SUPT3H: variants seen among roughly 807,000 people sequenced by gnomAD.
SUPT3H encodes the protein SPT3 homolog, SAGA and STAGA complex component, also known as transcription initiation protein SPT3 homolog.
In SUPT3H, 44 loss-of-function variants were observed where a neutral mutation model predicts 44.3. The observed-to-expected ratio is 0.99, with a 90% CI of 0.78 to 1.28. The LOEUF (loss-of-function observed/expected upper bound fraction) is 1.28, where lower values mean the gene tolerates loss of function less well. Ranked by LOEUF, SUPT3H falls within the 50% of genes most tolerant of loss-of-function variation. The probability of loss-of-function intolerance (pLI) is 0.00; values close to 1 mark genes in which losing one functional copy is unlikely to be tolerated. For missense variants in SUPT3H, 380 were observed against 387.1 expected (o/e 0.98, Z 0.15); for synonymous variants, 124 against 125.6 (o/e 0.99, Z 0.09).
rs1179247163 is a variant in SUPT3H at position 45,251,694 on chromosome 6, A to T, written c.101+113507T>A. On this transcript the variant is annotated intron_variant, in intron 2 of 10. Transcript: ENST00000371459. ...CACCTCTCTGATATCTACAGAACTG[A>T]ATAATTTCTCAAAAAAATTCCAGTG... Among the ~76,000 whole-genome samples, 3 of 152,204 alleles carry T rather than the reference A, an allele frequency of 2.0e-5. No individual in the cohort carries two copies. In the East Asian group the frequency reaches 5.8e-4, roughly 29 times the overall value.
chr6:45,219,789 C>T (rs2153634802), intron 2 of SUPT3H, among the ~76,000 whole-genome samples: 1 of 151,870 alleles, frequency 6.6e-6, no homozygotes, highest in Non-Finnish European at 1.5e-5. Flanking sequence ...GCCTGTAATC[C>T]CAGCACTTTG....
intron 6 of SUPT3H, among the ~76,000 whole-genome samples, chr6:44,965,348 ATAT>A (rs1407682440): frequency 6.6e-6 from 1 of 152,220 alleles, no homozygotes; most frequent in Non-Finnish European, 1.5e-5. Context: ...GGTGATAAAA[ATAT>A]TATCATTTTC....
intron 3 of SUPT3H, among the ~76,000 whole-genome samples, chr6:45,058,715 C>A (rs957192302): frequency 2.0e-5 from 3 of 152,082 alleles, no homozygotes; most frequent in Admixed American, 1.3e-4. Flanking sequence ...CATTATGATT[C>A]ATTATCCCTT....
Position 44,829,567 on chromosome 6 carries a change from T to G in SUPT3H, c.*249A>C, listed in dbSNP as rs536940763. The G allele has an allele frequency of 4.0e-4, 161 of 405,024 alleles. No individual in the cohort carries two copies. The highest frequency in any genetic ancestry group is 3.1e-3 in the Admixed American group (72 of 23,030). 25.1% of individuals were successfully genotyped at this position (405,024 alleles called of 1,614,324 possible). ...ATTAAAATTTCAAAACTGTGTGATC[T>G]GCATTCTTGTCCACCTACAGACTAT... On this transcript the variant is annotated 3_prime_UTR_variant, in exon 11 of 11. Transcript: ENST00000371459.
At position 45,003,763 on chromosome 6, in the gene SUPT3H, T is replaced by C. The variant is rs1221142918; in HGVS notation, c.394A>G (p.Lys132Glu). Residue 132 changes from lysine to glutamate, a missense_variant, in exon 6 of 11, where the codon AAA (lysine) becomes GAA (glutamate). By Grantham distance (56) the Lys-to-Glu change is moderately conservative. Transcript: ENST00000371459. ...AAGTCCTGAGCAATCTTTTGTCTTT[T>C]GTTCGCATTATTGCTGCCACTCAAT... ...DKLSGSNNAN[K>E]RQKIAQDFLN... The C allele has an allele frequency of 1.2e-6, 2 of 1,613,828 alleles. No homozygotes were observed. Among genetic ancestry groups the C allele is most frequent in the Middle Eastern group, 1.7e-4 (1 of 6,058 alleles).
chr6:45,299,989 A>G (rs1219556309), intron 2 of SUPT3H, among the ~76,000 whole-genome samples: 4 of 152,162 alleles, frequency 2.6e-5, no homozygotes, highest in Non-Finnish European at 5.9e-5. Context: ...ACAACAAAAC[A>G]TATCAATGGG....
At chr6:45,297,732 A>G (rs185825520) in intron 2 of SUPT3H, among the ~76,000 whole-genome samples, 166 of 152,240 alleles carry the variant, frequency 1.1e-3, no homozygotes, top group African/African-American at 8.4e-4. Flanking sequence ...CCTTCTCCCC[A>G]TTACTAATGG....
intron 2 of SUPT3H, among the ~76,000 whole-genome samples, chr6:45,193,185 C>T (rs565252592): frequency 2.6e-5 from 4 of 151,962 alleles, no homozygotes; most frequent in Admixed American, 2.0e-4. Flanking sequence ...TTGAAACTCT[C>T]GATTCAGAAT....
chr6:44,892,077 G>A (rs1275439650), intron 10 of SUPT3H, among the ~76,000 whole-genome samples: 1 of 152,096 alleles, frequency 6.6e-6, no homozygotes, highest in Admixed American at 6.6e-5. Flanking sequence ...GGAAGATAGT[G>A]AGTACAAACC....
intron 9 of SUPT3H, among the ~76,000 whole-genome samples, chr6:44,941,035 A>C (rs1263634953): frequency 2.6e-5 from 4 of 152,092 alleles, no homozygotes; most frequent in East Asian, 3.8e-4. Flanking sequence ...TGTATTTTTT[A>C]AGTGGAGCAT....
intron 2 of SUPT3H, among the ~76,000 whole-genome samples, chr6:45,246,557 A>T (rs1434203028): frequency 6.6e-6 from 1 of 152,136 alleles, no homozygotes; most frequent in Non-Finnish European, 1.5e-5. Flanking sequence ...TCAATATTTA[A>T]CTCCTACTAG....
At chr6:45,050,878 A>ATTTTTTTTTTTT (rs35575281) in intron 3 of SUPT3H, among the ~76,000 whole-genome samples, 1 of 86,164 alleles carries the variant, frequency 1.2e-5, no homozygotes, top group African/African-American at 4.3e-5. Flanking sequence ...AGGGTATGGG[A>ATTTTTTTTTTTT]TTTTTTTTTT....
intron 2 of SUPT3H, among the ~76,000 whole-genome samples, chr6:45,297,305 T>C (rs1781457428): frequency 6.6e-6 from 1 of 152,184 alleles, no homozygotes; most frequent in Admixed American, 6.5e-5. Context: ...GTATTCAGAG[T>C]TATCCTATAC....
intron 2 of SUPT3H, among the ~76,000 whole-genome samples, chr6:45,272,335 C>T (rs1041023710): frequency 6.6e-6 from 1 of 152,086 alleles, no homozygotes; most frequent in African/African-American, 2.4e-5. Flanking sequence ...GTGACTGAAT[C>T]ATGGGGGCAG....
At chr6:44,971,327 A>G (rs1454300372) in intron 6 of SUPT3H, among the ~76,000 whole-genome samples, 2 of 152,084 alleles carry the variant, frequency 1.3e-5, no homozygotes, top group Non-Finnish European at 2.9e-5. Context: ...GTTTGTTCTC[A>G]TGCTGCTATA....
intron 6 of SUPT3H, among the ~76,000 whole-genome samples, chr6:44,988,519 T>TTA (rs368116962): frequency 5.0e-5 from 5 of 100,204 alleles, no homozygotes; most frequent in Admixed American, 2.1e-4. Flanking sequence ...AAGGCTTAAA[T>TTA]AAAAAAAAAA....
intron 2 of SUPT3H, among the ~76,000 whole-genome samples, chr6:45,314,672 C>T (rs1784439408): frequency 6.6e-6 from 1 of 152,156 alleles, no homozygotes; most frequent in Admixed American, 6.5e-5. Flanking sequence ...ATCCTATGCT[C>T]ACGGATGGCC....
At chr6:45,158,281 T>C (rs1056376895) in intron 2 of SUPT3H, among the ~76,000 whole-genome samples, 1 of 37,064 alleles carries the variant, frequency 2.7e-5, no homozygotes, top group Non-Finnish European at 5.8e-5. Flanking sequence ...TATACATATA[T>C]ATATATATAT....
At chr6:44,930,354 C>A (rs1456942705) in intron 10 of SUPT3H, among the ~76,000 whole-genome samples, 1 of 150,784 alleles carries the variant, frequency 6.6e-6, no homozygotes, top group African/African-American at 2.4e-5. Flanking sequence ...GCATTCCAGC[C>A]TGGGTGACAG....
Sources: allele counts gnomAD v4.1 joint callset (sites outside exome capture counted in the v4.1 genomes callset), GRCh38; gene constraint gnomAD v4.1.1; transcripts MANE v1.5; gene names NCBI Gene and HGNC (gene_info 2026-07-23, HGNC 2026-07-21).